The following KLC1 variants were observed in gnomAD, a reference collection of about 807,000 sequenced individuals.
KLC1 encodes the protein kinesin 2 60/70kDa.
A neutral mutation model predicts 84.2 loss-of-function variants in KLC1; 30 were observed. That is an observed-to-expected ratio of 0.36 (90% CI 0.27 to 0.48). KLC1 has a LOEUF of 0.48. Among genes scored for constraint, KLC1 ranks in the 20% least tolerant of loss-of-function variants. The pLI, the probability that KLC1 is intolerant of heterozygous loss-of-function variation, is 0.99. For synonymous variants in KLC1, 289 were observed against 293.3 expected, an observed-to-expected ratio of 0.99 and a Z score of 0.15; for missense variants, 499 against 805.4, an observed-to-expected ratio of 0.62 and a Z score of 4.60.
chr14:103,636,819 T>C (rs2077078493), intron 1 of KLC1, among the ~76,000 whole-genome samples: 2 of 151,964 alleles, frequency 1.3e-5, no homozygotes, highest in South Asian at 4.2e-4. Context: ...GCCTCCCGGG[T>C]TCACGCCATT....
intron 9 of KLC1, 65 bp downstream of exon 9, chr14:103,673,496 C>G (rs1319262213): frequency 1.0e-6 from 1 of 981,808 alleles, no homozygotes; most frequent in Non-Finnish European, 1.5e-6. Context: ...TAGTAATATA[C>G]TAATAGTATT....
intron 1 of KLC1, among the ~76,000 whole-genome samples, chr14:103,649,378 G>A (rs1311245026): frequency 6.6e-6 from 1 of 151,924 alleles, no homozygotes; most frequent in Non-Finnish European, 1.5e-5. Context: ...ACAATTATAG[G>A]GTTTTTTTGG....
At chr14:103,684,987 T>G in intron 13 of KLC1, 2 of 1,041,980 alleles carry the variant, frequency 1.9e-6, no homozygotes, top group Non-Finnish European at 2.9e-6. Flanking sequence ...ATTTTAAAGA[T>G]GAGGAAAATG....
intron 5 of KLC1, among the ~76,000 whole-genome samples, chr14:103,666,507 A>G (rs1567025162): frequency 6.6e-6 from 1 of 152,162 alleles, no homozygotes; most frequent in African/African-American, 2.4e-5. Flanking sequence ...TTGGGACCAC[A>G]CCGGAGAACC....
At chr14:103,634,955 A>G (rs912082916) in intron 1 of KLC1, among the ~76,000 whole-genome samples, 1 of 152,172 alleles carries the variant, frequency 6.6e-6, no homozygotes, top group Non-Finnish European at 1.5e-5. Context: ...CGTTCTCCCA[A>G]GGCATCCTTT....
At position 103,664,028 on chromosome 14, in the gene KLC1, C is replaced by A. The variant is rs74509065; in HGVS notation, c.797+1101C>A. Among the ~76,000 whole-genome samples, 823 of 152,240 alleles carry A rather than the reference C, an allele frequency of 5.4e-3. 9 individuals carry two copies. The highest frequency in any genetic ancestry group is 0.019 in the African/African-American group (791 of 41,530). On this transcript the variant is annotated intron_variant, in intron 5 of 16. Transcript: ENST00000334553. ...AACACTATTTAAAATGAGGCCGTTC[C>A]CTTTGGCTCTGTAGTTTGTCAGCAG...
At chr14:103,662,055 T>A (rs918228585) in intron 3 of KLC1, 61 bp from the exon 4 acceptor site, 66 of 1,110,232 alleles carry the variant, frequency 5.9e-5, no homozygotes, top group Non-Finnish European at 8.4e-5. Context: ...ATTAAAAATT[T>A]TCAGGACAGG....
chr14:103,694,947 A>C lies in KLC1; in HGVS notation c.1848+2522A>C. 1.0e-6 allele frequency: 1 copy of C among 985,316 alleles called. No homozygotes were observed. Among genetic ancestry groups the C allele is most frequent in the East Asian group, 1.1e-4 (1 of 8,832 alleles). 61.0% of individuals were successfully genotyped at this position (985,316 alleles called of 1,614,324 possible). ...ACAAGACAAGCTCCGTGTAGTCGCCAGCGGGTGCCTGGCCCAGGAGCTGCC... is the reference window on the plus strand; with the variant it reads ...ACAAGACAAGCTCCGTGTAGTCGCCCGCGGGTGCCTGGCCCAGGAGCTGCC... On this transcript the variant is annotated intron_variant, in intron 15 of 16. Coordinates refer to ENST00000334553, the MANE Select transcript of KLC1 (RefSeq NM_001394837.1). This position sits in a 1 kb window ranked among gnomAD's most constrained non-coding sequence, Gnocchi z 4.5.
At chr14:103,662,313 AC>A in intron 4 of KLC1, 119 bp downstream of exon 4, 2 of 838,896 alleles carry the variant, frequency 2.4e-6, no homozygotes, top group Non-Finnish European at 4.1e-6. Flanking sequence ...AGGAAGCACC[AC>A]CAGAGCGGGG....
chr14:103,695,499 G>C, intron 15 of KLC1: 1 of 985,380 alleles, frequency 1.0e-6, no homozygotes, highest in Non-Finnish European at 1.2e-6. Flanking sequence ...ACAGGCGACA[G>C]GGAGGAGGGC....
intron 15 of KLC1, chr14:103,697,070 A>G: frequency 1.0e-6 from 1 of 985,408 alleles, no homozygotes; most frequent in African/African-American, 1.7e-5. Context: ...TCATTTTCTA[A>G]TCGCTGGCAT....
At chr14:103,695,892 C>T in intron 15 of KLC1, 1 of 985,342 alleles carries the variant, frequency 1.0e-6, no homozygotes, top group Non-Finnish European at 1.2e-6. Context: ...ACCTGAGTCC[C>T]CGATGTTTGA....
At chr14:103,632,423 A>G (rs1427343182) in intron 1 of KLC1, among the ~76,000 whole-genome samples, 1 of 149,892 alleles carries the variant, frequency 6.7e-6, no homozygotes, top group Non-Finnish European at 1.5e-5. Flanking sequence ...AACAAACAAA[A>G]AGAGCCGCTG....
rs968969981 is a variant in KLC1, at chr14:103,701,466, C to T, written c.*267C>T. On this transcript the variant is annotated 3_prime_UTR_variant, in exon 17 of 17. Coordinates refer to ENST00000334553, the MANE Select transcript of KLC1 (RefSeq NM_001394837.1). ...ATGAGCTGGGCCCACGGCTCCCTTC[C>T]CATGTGTAACTTCCTCACGTTGTGT... 2.3e-6 allele frequency: 1 copy of T among 431,834 alleles called. No individual in the cohort carries two copies. Among genetic ancestry groups the T allele is most frequent in the Non-Finnish European group, 4.2e-6 (1 of 240,952 alleles). The allele number at this position is 431,834 out of a possible 1,614,324, so 26.8% of individuals were successfully genotyped here. A position where few individuals can be genotyped will look rare whatever the true frequency, so the allele number is the denominator to read the frequency against.
intron 1 of KLC1, among the ~76,000 whole-genome samples, chr14:103,647,100 C>T (rs2078000903): frequency 6.6e-6 from 1 of 152,136 alleles, no homozygotes; most frequent in African/African-American, 2.4e-5. Context: ...CAAATCCTTA[C>T]CTGTCAAGTA....
chr14:103,687,728 C>T (rs2081868572), intron 14 of KLC1: 1 of 152,144 alleles, frequency 6.6e-6, no homozygotes, highest in African/African-American at 2.4e-5. Flanking sequence ...TTCAAAACCT[C>T]AGGCTTTTCA....
At position 103,654,849 on chromosome 14, in the gene KLC1, G is replaced by A. The variant is rs563465613; in HGVS notation, c.261+24G>A. 8.1e-4 allele frequency: 1,290 copies of A among 1,594,208 alleles called. 21 individuals carry two copies. The South Asian group carries it at 0.013, about 16-fold the overall frequency. On this transcript the variant is annotated intron_variant, in intron 2 of 16. Coordinates refer to ENST00000334553, the MANE Select transcript of KLC1 (RefSeq NM_001394837.1). ...AGGTACGAGTGAGAATGACTCAGACGTTATCAGGAACTTTTGATGGTAAAA... is the reference window on the plus strand; with the variant it reads ...AGGTACGAGTGAGAATGACTCAGACATTATCAGGAACTTTTGATGGTAAAA...
At chr14:103,697,470 A>G (rs1379245760) in intron 15 of KLC1, 2 of 152,172 alleles carry the variant, frequency 1.3e-5, no homozygotes, top group African/African-American at 4.8e-5. Flanking sequence ...GAGTCAAGCT[A>G]CTTAACGGTT....
intron 14 of KLC1, among the ~76,000 whole-genome samples, chr14:103,688,923 G>A (rs1238084033): frequency 2.0e-5 from 3 of 152,208 alleles, no homozygotes; most frequent in African/African-American, 7.2e-5. Context: ...ATTGCCTTTG[G>A]AATAGTGATC....
Sources: allele counts gnomAD v4.1 joint callset (sites outside exome capture counted in the v4.1 genomes callset), GRCh38; gene constraint gnomAD v4.1.1; non-coding constraint Gnocchi (gnomAD v3.1); transcripts MANE v1.5; gene names NCBI Gene and HGNC (gene_info 2026-07-23, HGNC 2026-07-21).